The following CDH13 variants were observed in gnomAD, a reference collection of about 807,000 sequenced individuals.
The protein encoded by CDH13 is cadherin 13.
CDH13 carries 24 observed loss-of-function variants against 63.8 expected under a neutral mutation model. The ratio of observed to expected loss-of-function variants is 0.38; its 90% confidence interval spans 0.27 to 0.53. CDH13 has a LOEUF of 0.53. Ranked by LOEUF, CDH13 falls within the 20% of genes least tolerant of loss-of-function variation. CDH13 has a pLI of 0.85. For synonymous variants in CDH13, 503 were observed against 355.3 expected, an observed-to-expected ratio of 1.42 and a Z score of -4.67; for missense variants, 1,049 against 903.1, an observed-to-expected ratio of 1.16 and a Z score of -2.07.
At chr16:83,606,011 G>A (rs529383678) in intron 8 of CDH13, among the ~76,000 whole-genome samples, 9 of 152,316 alleles carry the variant, frequency 5.9e-5, no homozygotes, top group African/African-American at 1.9e-4. Flanking sequence ...ATGAGGACTG[G>A]CTCAGATGCA....
chr16:83,298,713 A>G (rs1484588424), intron 5 of CDH13, among the ~76,000 whole-genome samples: 1 of 152,204 alleles, frequency 6.6e-6, no homozygotes, highest in African/African-American at 2.4e-5. Context: ...GGAAAGGCCT[A>G]AGGTTGAGAG....
At chr16:83,774,951 A>T (rs779888142) in intron 11 of CDH13, among the ~76,000 whole-genome samples, 1 of 151,994 alleles carries the variant, frequency 6.6e-6, no homozygotes, top group Non-Finnish European at 1.5e-5. Context: ...TGTTATGTAT[A>T]TTTCACCACA....
chr16:83,566,308 A>G (rs990969494), intron 7 of CDH13, among the ~76,000 whole-genome samples: 1 of 152,128 alleles, frequency 6.6e-6, no homozygotes, highest in Non-Finnish European at 1.5e-5. Context: ...TTGCACCTCA[A>G]TGCATAAAGA....
At chr16:82,890,097 C>G (rs2041026042) in intron 2 of CDH13, among the ~76,000 whole-genome samples, 1 of 152,186 alleles carries the variant, frequency 6.6e-6, no homozygotes, top group Admixed American at 6.5e-5. Context: ...AGTAAGTCTC[C>G]CAGCCTTCGT....
chr16:83,462,389 A>C lies in CDH13; in HGVS notation c.782-24088A>C, dbSNP rs547804414. 2.6e-4 allele frequency among the ~76,000 whole-genome samples: 39 copies of C among 152,310 alleles called. No homozygotes were observed. In the South Asian group the frequency reaches 7.7e-3, roughly 30 times the overall value. On this transcript the variant is annotated intron_variant, in intron 6 of 13. Transcript: ENST00000567109. Reference sequence around the variant, plus strand: ...CAAGTGCTTATCTTCCTTTCTCTGAATTTCAGTTTCTAGCTCTTTAAACAA... The same window carrying C: ...CAAGTGCTTATCTTCCTTTCTCTGACTTTCAGTTTCTAGCTCTTTAAACAA...
intron 4 of CDH13, among the ~76,000 whole-genome samples, chr16:83,139,879 G>A (rs2151672902): frequency 6.6e-6 from 1 of 152,206 alleles, no homozygotes; most frequent in African/African-American, 2.4e-5. Flanking sequence ...GTGCATGCCT[G>A]TAAGCCCAGC....
intron 2 of CDH13, among the ~76,000 whole-genome samples, chr16:82,965,207 A>C (rs1327163179): frequency 6.6e-6 from 1 of 152,152 alleles, no homozygotes; most frequent in Non-Finnish European, 1.5e-5. Context: ...TTTTCCCACC[A>C]GAAAGTACTC....
chr16:82,770,446 C>T (rs2035218035), intron 1 of CDH13, among the ~76,000 whole-genome samples: 1 of 152,186 alleles, frequency 6.6e-6, no homozygotes, highest in African/African-American at 2.4e-5. Flanking sequence ...TTCCTTTATG[C>T]ATACATTTTG....
chr16:83,013,013 A>G (rs986352977), intron 2 of CDH13, among the ~76,000 whole-genome samples: 2 of 152,222 alleles, frequency 1.3e-5, no homozygotes, highest in Admixed American at 6.5e-5. Context: ...TGCAGAATAC[A>G]CTGTGGATGA....
chr16:83,100,527 C>T (rs1022244273), intron 3 of CDH13, among the ~76,000 whole-genome samples: 16 of 152,150 alleles, frequency 1.1e-4, no homozygotes, highest in African/African-American at 2.2e-4. Context: ...ATTTCTGTAG[C>T]GGGCAGAAGC....
rs970053479 is a variant in CDH13, at chr16:83,797,482, C to T, written c.*2452C>T. 3.3e-5 allele frequency: 5 copies of T among 152,222 alleles called. No individual in the cohort carries two copies. In the East Asian group the frequency reaches 7.7e-4, roughly 23 times the overall value. 9.4% of individuals were successfully genotyped at this position (152,222 alleles called of 1,614,324 possible). On this transcript the variant is annotated 3_prime_UTR_variant, in exon 14 of 14. Transcript: ENST00000567109. The stretch of plus-strand genomic sequence containing the variant: ...TATTCTCTGTCCCCACAGTTCTAAT[C>T]AGGACAGAGATACTTCTGTCATGTT...
intron 8 of CDH13, among the ~76,000 whole-genome samples, chr16:83,670,101 T>C (rs118163860): frequency 0.026 from 4,009 of 152,318 alleles, 85 homozygotes; most frequent in Non-Finnish European, 0.033. Context: ...TTCATGTAGA[T>C]GATTTCTTAG....
At chr16:82,921,789 C>T (rs980524830) in intron 2 of CDH13, among the ~76,000 whole-genome samples, 16 of 152,150 alleles carry the variant, frequency 1.1e-4, no homozygotes, top group African/African-American at 3.4e-4. Flanking sequence ...GTTCTCTCCT[C>T]CTATATTTTT....
intron 7 of CDH13, among the ~76,000 whole-genome samples, chr16:83,563,894 A>G (rs1318224914): frequency 2.0e-5 from 3 of 152,136 alleles, no homozygotes; most frequent in Non-Finnish European, 4.4e-5. Context: ...TATTCCGTGA[A>G]GTTACTGTGA....
intron 4 of CDH13, among the ~76,000 whole-genome samples, chr16:83,214,543 G>C (rs1392496595): frequency 8.9e-6 from 1 of 112,052 alleles, no homozygotes; most frequent in Non-Finnish European, 1.6e-5. Flanking sequence ...TTGCACCACT[G>C]CATTCCAGCC....
chr16:82,690,600 A>C (rs1344034094), intron 1 of CDH13, among the ~76,000 whole-genome samples: 1 of 152,196 alleles, frequency 6.6e-6, no homozygotes, highest in Non-Finnish European at 1.5e-5. Context: ...GCAAAGAGAC[A>C]CTTAAGAAAA....
intron 6 of CDH13, among the ~76,000 whole-genome samples, chr16:83,437,784 G>C (rs1049804797): frequency 9.9e-5 from 15 of 152,164 alleles, no homozygotes; most frequent in Non-Finnish European, 2.9e-5. Flanking sequence ...AGATCCACTT[G>C]ATATAATATG....
At chr16:83,386,682 T>C (rs1022255520) in intron 6 of CDH13, among the ~76,000 whole-genome samples, 4 of 152,190 alleles carry the variant, frequency 2.6e-5, no homozygotes, top group Non-Finnish European at 5.9e-5. Flanking sequence ...TGATGAGGAA[T>C]TTTCCATCAT....
chr16:83,556,145 C>T (rs759854200), intron 7 of CDH13, among the ~76,000 whole-genome samples: 1 of 152,100 alleles, frequency 6.6e-6, no homozygotes, highest in Non-Finnish European at 1.5e-5. Flanking sequence ...CCTGCAGCAG[C>T]GTTCTAACTC....
Sources: allele counts gnomAD v4.1 joint callset (sites outside exome capture counted in the v4.1 genomes callset), GRCh38; gene constraint gnomAD v4.1.1; transcripts MANE v1.5; gene names NCBI Gene and HGNC (gene_info 2026-07-23, HGNC 2026-07-21).